NRXN1: variants seen among roughly 807,000 people sequenced by gnomAD.
NRXN1 encodes neurexin 1, also known as neurexin-1.
In NRXN1, 39 loss-of-function variants were observed where a neutral mutation model predicts 150.9. That is an observed-to-expected ratio of 0.26 (90% confidence interval 0.20 to 0.34). The LOEUF (loss-of-function observed/expected upper bound fraction) is 0.34, where lower values mean the gene tolerates loss of function less well. Ranked by LOEUF, NRXN1 falls within the 10% of genes least tolerant of loss-of-function variation. NRXN1 has a pLI of 1.00. For missense variants in NRXN1, 1,815 were observed against 1,949.9 expected, an observed-to-expected ratio of 0.93 and a Z score of 1.30; for synonymous variants, 924 against 757.0, an observed-to-expected ratio of 1.22 and a Z score of -3.62.
At chr2:50,163,090 A>G (rs1265750218) in intron 18 of NRXN1, among the ~76,000 whole-genome samples, 1 of 147,746 alleles carries the variant, frequency 6.8e-6, no homozygotes, top group African/African-American at 2.5e-5. Flanking sequence ...TGAAAATTAG[A>G]CATGTTTACC....
chr2:50,593,213 G>C (rs1187430331), intron 8 of NRXN1, among the ~76,000 whole-genome samples: 1 of 152,116 alleles, frequency 6.6e-6, no homozygotes, highest in Non-Finnish European at 1.5e-5. Context: ...GGATAAATAA[G>C]GTTACCCAAT....
chr2:50,905,001 A>G (rs1683472658), intron 5 of NRXN1, among the ~76,000 whole-genome samples: 1 of 151,916 alleles, frequency 6.6e-6, no homozygotes, highest in African/African-American at 2.4e-5. Context: ...TTTTTTTATT[A>G]TCTACTTTGT....
chr2:50,038,677 C>G (rs115069295), intron 21 of NRXN1, among the ~76,000 whole-genome samples: 10,851 of 152,082 alleles, frequency 0.071, 488 homozygotes, highest in Middle Eastern at 0.16. Flanking sequence ...ATTTGTTATA[C>G]AGGAACAGAT....
Position 50,827,845 on chromosome 2 carries a change from A to C in NRXN1, c.832+94024T>G, listed in dbSNP as rs532449391. Among the ~76,000 whole-genome samples the C allele has an allele frequency of 1.5e-3, 219 of 150,468 alleles. 2 individuals carry two copies. The highest frequency in any genetic ancestry group is 4.8e-3 in the African/African-American group (199 of 41,034). Reference sequence around the variant, plus strand: ...CTGCCTTCAAGCATCTGTTTAACAAAGCACATCTTGCACCGCCCTTAATCC... The same window carrying C: ...CTGCCTTCAAGCATCTGTTTAACAACGCACATCTTGCACCGCCCTTAATCC... On this transcript the variant is annotated intron_variant, in intron 5 of 22. Transcript: ENST00000401669.
intron 18 of NRXN1, among the ~76,000 whole-genome samples, chr2:50,123,754 A>G (rs556443314): frequency 6.6e-6 from 1 of 152,292 alleles, no homozygotes; most frequent in African/African-American, 2.4e-5. Context: ...GAGATGCAGG[A>G]TGAAGGAACT....
chr2:50,882,201 G>T (rs1679546614), intron 5 of NRXN1, among the ~76,000 whole-genome samples: 1 of 151,812 alleles, frequency 6.6e-6, no homozygotes, highest in Non-Finnish European at 1.5e-5. Flanking sequence ...CATTTAAGTA[G>T]ATTTTCAGTT....
At chr2:50,059,619 G>A (rs1694189525) in intron 19 of NRXN1, among the ~76,000 whole-genome samples, 1 of 152,174 alleles carries the variant, frequency 6.6e-6, no homozygotes, top group Non-Finnish European at 1.5e-5. Context: ...CTTCACAACA[G>A]CACTTCCTAT....
At chr2:50,567,214 G>T (rs1418120391) in intron 8 of NRXN1, among the ~76,000 whole-genome samples, 1 of 152,122 alleles carries the variant, frequency 6.6e-6, no homozygotes. Context: ...TTTCTAAGTT[G>T]CCTTGTAACT....
intron 17 of NRXN1, among the ~76,000 whole-genome samples, chr2:50,277,554 TTCTC>T (rs1296286782): frequency 8.4e-6 from 1 of 118,478 alleles, no homozygotes; most frequent in African/African-American, 3.3e-5. Context: ...CTCTCCCTCT[TTCTC>T]TTTCTTTCTT....
At chr2:50,843,774 A>C (rs1673218457) in intron 5 of NRXN1, among the ~76,000 whole-genome samples, 1 of 152,138 alleles carries the variant, frequency 6.6e-6, no homozygotes, top group Non-Finnish European at 1.5e-5. Context: ...CTCCCAAAAG[A>C]CTCATCAAGA....
intron 17 of NRXN1, among the ~76,000 whole-genome samples, chr2:50,278,560 T>C (rs966365713): frequency 6.6e-6 from 1 of 151,684 alleles, no homozygotes; most frequent in Non-Finnish European, 1.5e-5. Context: ...CTGTATTTTG[T>C]TAATATGAAC....
At chr2:50,083,683 C>CAG (rs943210567) in intron 19 of NRXN1, among the ~76,000 whole-genome samples, 1 of 152,306 alleles carries the variant, frequency 6.6e-6, no homozygotes, top group Admixed American at 6.5e-5. Flanking sequence ...GTCCATTTTA[C>CAG]AGAGAGCCGA....
At chr2:50,846,941 C>T (rs1247262979) in intron 5 of NRXN1, among the ~76,000 whole-genome samples, 1 of 152,024 alleles carries the variant, frequency 6.6e-6, no homozygotes, top group Non-Finnish European at 1.5e-5. Flanking sequence ...TTTTGATAAA[C>T]AAATGGATAG....
intron 18 of NRXN1, among the ~76,000 whole-genome samples, chr2:50,222,767 C>A (rs1294836172): frequency 4.0e-5 from 6 of 151,706 alleles, no homozygotes; most frequent in African/African-American, 1.5e-4. Context: ...ATAGTATGCA[C>A]ATGATAATAT....
intron 2 of NRXN1, among the ~76,000 whole-genome samples, chr2:50,987,626 TC>T (rs990944469): frequency 1.3e-5 from 2 of 151,970 alleles, no homozygotes; most frequent in Non-Finnish European, 2.9e-5. Flanking sequence ...TATAACAACC[TC>T]CCACTCTACA....
At chr2:50,765,286 G>A (rs1432817998) in intron 5 of NRXN1, among the ~76,000 whole-genome samples, 1 of 152,012 alleles carries the variant, frequency 6.6e-6, no homozygotes, top group Non-Finnish European at 1.5e-5. Flanking sequence ...TAAGCTTCTG[G>A]AATGTAACAC....
rs147294572 is a variant in NRXN1 at position 50,009,027 on chromosome 2, C to T, written c.4128+44244G>A. On this transcript the variant is annotated intron_variant, in intron 21 of 22. Coordinates refer to ENST00000401669, the MANE Select transcript of NRXN1 (RefSeq NM_001330078.2). ...TCAAAAAGCTCAGGATGGTTTCAAT[C>T]AATAACTTTATAACTACCAACTATT... 1.1e-4 allele frequency among the ~76,000 whole-genome samples: 17 copies of T among 152,230 alleles called. No individual in the cohort carries two copies. In the East Asian group the frequency reaches 3.3e-3, roughly 29 times the overall value.
intron 18 of NRXN1, among the ~76,000 whole-genome samples, chr2:50,156,260 G>A (rs1413254806): frequency 6.6e-6 from 1 of 151,800 alleles, no homozygotes; most frequent in Non-Finnish European, 1.5e-5. Flanking sequence ...TCTCTCTCTA[G>A]GTAGTAAAAC....
At position 50,570,477 on chromosome 2, in the gene NRXN1, T is replaced by C. The variant is rs536888761; in HGVS notation, c.1321-17452A>G. 2.0e-5 allele frequency among the ~76,000 whole-genome samples: 3 copies of C among 152,274 alleles called. No individual in the cohort carries two copies. In the East Asian group the frequency reaches 5.8e-4, roughly 29 times the overall value. On this transcript the variant is annotated intron_variant, in intron 8 of 22. Transcript: ENST00000401669. ...GCTCCTTCCTCCTTATGCTAACATA[T>C]CACAAGAGAAAAATTTTACCCTTTG...
Sources: allele counts gnomAD v4.1 joint callset (sites outside exome capture counted in the v4.1 genomes callset), GRCh38; gene constraint gnomAD v4.1.1; transcripts MANE v1.5; gene names NCBI Gene and HGNC (gene_info 2026-07-23, HGNC 2026-07-21).